Variants in SUGCT observed in about 807,000 individuals in gnomAD.
The protein encoded by SUGCT is succinyl-CoA:glutarate CoA-transferase.
Under a neutral mutation model 55.0 loss-of-function variants are expected in SUGCT, and 41 were observed. The observed-to-expected ratio is 0.74, with a 90% confidence interval of 0.58 to 0.97. The LOEUF (loss-of-function observed/expected upper bound fraction) is 0.97. SUGCT is among the 50% of genes least tolerant of loss of function. The probability of loss-of-function intolerance (pLI) is 0.00; values close to 1 mark genes in which losing one functional copy is unlikely to be tolerated. For missense variants in SUGCT, 568 were observed against 547.8 expected (o/e 1.04, Z -0.37); for synonymous variants, 187 against 200.4 (o/e 0.93, Z 0.56).
intron 13 of SUGCT, among the ~76,000 whole-genome samples, chr7:40,776,909 G>T (rs1364423260): frequency 1.3e-5 from 2 of 151,210 alleles, no homozygotes; most frequent in Non-Finnish European, 3.0e-5. Flanking sequence ...AAATCCATTT[G>T]CCATCTATAG....
intron 13 of SUGCT, among the ~76,000 whole-genome samples, chr7:40,774,945 C>T (rs1562995844): frequency 6.6e-6 from 1 of 151,764 alleles, no homozygotes; most frequent in East Asian, 1.9e-4. Context: ...CAACAGTGAC[C>T]AAAAAAACCT....
chr7:40,749,451 C>T lies in SUGCT; in HGVS notation c.1107C>T (p.Leu369=), dbSNP rs373694909. The change falls in exon 13 of 14, where the codon CTC becomes CTT. Residue 369 remains leucine (L), a synonymous_variant. Transcript: ENST00000335693. ...FAEPQVLHNG[L]VMEMEHPTVG... is the part of the protein sequence containing the mutation. ...CTTTTCAGGTATTACACAATGGCCTCGTTATGGAGATGGAGCATCCAACTG... is the reference window on the plus strand; with the variant it reads ...CTTTTCAGGTATTACACAATGGCCTTGTTATGGAGATGGAGCATCCAACTG... The T allele has an allele frequency of 3.2e-5, 52 of 1,613,590 alleles. No individual in the cohort carries two copies. The East Asian group carries it at 6.5e-4, about 20-fold the overall frequency.
At chr7:40,610,332 C>T (rs1056988469) in intron 12 of SUGCT, among the ~76,000 whole-genome samples, 37 of 152,208 alleles carry the variant, frequency 2.4e-4, no homozygotes, top group African/African-American at 8.9e-4. Flanking sequence ...TTCTTGCAAA[C>T]CTTTTCTCTT....
intron 13 of SUGCT, among the ~76,000 whole-genome samples, chr7:40,762,989 T>G (rs145896918): frequency 2.2e-4 from 34 of 151,292 alleles, no homozygotes; most frequent in African/African-American, 8.3e-4. Flanking sequence ...ATTTTTGTAT[T>G]TTTTTTTAGT....
chr7:40,179,402 T>C (rs1278501854), intron 1 of SUGCT, among the ~76,000 whole-genome samples: 2 of 152,128 alleles, frequency 1.3e-5, no homozygotes, highest in Admixed American at 1.3e-4. Flanking sequence ...CAAGCGATTC[T>C]CCTGCCTCAG....
chr7:40,333,916 C>T (rs1020939734), intron 9 of SUGCT, among the ~76,000 whole-genome samples: 24 of 151,668 alleles, frequency 1.6e-4, no homozygotes, highest in Non-Finnish European at 2.8e-4. Context: ...CCGCACCCCA[C>T]GACAGGCCTC....
intron 9 of SUGCT, among the ~76,000 whole-genome samples, chr7:40,413,586 T>G (rs1786809537): frequency 6.6e-6 from 1 of 152,216 alleles, no homozygotes; most frequent in Non-Finnish European, 1.5e-5. Flanking sequence ...GTTTAACTAT[T>G]TATTTCTCAC....
chr7:40,844,930 C>G (rs1012775771), intron 13 of SUGCT, among the ~76,000 whole-genome samples: 1 of 152,198 alleles, frequency 6.6e-6, no homozygotes, highest in Non-Finnish European at 1.5e-5. Flanking sequence ...GATGACTTCA[C>G]TTAGAAATGT....
chr7:40,761,525 C>T (rs1423895163), intron 13 of SUGCT, among the ~76,000 whole-genome samples: 1 of 152,184 alleles, frequency 6.6e-6, no homozygotes, highest in East Asian at 1.9e-4. Context: ...ACCCTTTTGT[C>T]AAACAACTTT....
intron 6 of SUGCT, among the ~76,000 whole-genome samples, chr7:40,225,434 GA>G (rs970498176): frequency 3.5e-5 from 5 of 144,512 alleles, no homozygotes; most frequent in African/African-American, 1.3e-4. Context: ...AATAATATAT[GA>G]TTTTTTTTTT....
At chr7:40,498,658 A>G (rs950045571) in intron 12 of SUGCT, among the ~76,000 whole-genome samples, 1 of 152,192 alleles carries the variant, frequency 6.6e-6, no homozygotes, top group African/African-American at 2.4e-5. Context: ...TAGTTTCCTT[A>G]AGTGTAAAAT....
chr7:40,154,006 A>G (rs116511992), intron 1 of SUGCT: 1 of 268,200 alleles, frequency 3.7e-6, no homozygotes, highest in African/African-American at 2.2e-5. Context: ...TGCTTTACCA[A>G]AGCATTATCT....
rs1314961773 is a variant in SUGCT at position 40,249,315 on chromosome 7, A to ATCTATATCTATATATC, written c.576+11590_576+11591insCTATATCTATATATCT. On this transcript the variant is annotated intron_variant, in intron 7 of 13. Coordinates refer to ENST00000335693, the MANE Select transcript of SUGCT (RefSeq NM_001193313.2). ...TTAAAACAAAAAACACCAAAAAGCTATATATATATATATATATATATATAT... is the reference window on the plus strand; with the variant it reads ...TTAAAACAAAAAACACCAAAAAGCTATCTATATCTATATATCTATATATATATATATATATATATAT... Among the ~76,000 whole-genome samples the ATCTATATCTATATATC allele has an allele frequency of 2.0e-3, 66 of 33,498 alleles. 2 individuals carry two copies. The highest frequency in any genetic ancestry group is 0.015 in the South Asian group (15 of 992). The allele number at this position is 33,498 out of a possible 152,430, so 22.0% of individuals were successfully genotyped here.
the SUGCT span, among the ~76,000 whole-genome samples, chr7:40,983,024 A>T: frequency 3.9e-5 from 6 of 152,196 alleles, no homozygotes; most frequent in Admixed American, 2.0e-4. Context: ...TAGGTACATT[A>T]TATGTCAAGA....
At chr7:40,851,607 A>G (rs1226628627) in intron 13 of SUGCT, among the ~76,000 whole-genome samples, 2 of 152,190 alleles carry the variant, frequency 1.3e-5, no homozygotes, top group African/African-American at 4.8e-5. Flanking sequence ...ACACCGCTCT[A>G]GAACCATCCC....
At chr7:40,685,405 T>C (rs962186830) in intron 12 of SUGCT, among the ~76,000 whole-genome samples, 4 of 152,188 alleles carry the variant, frequency 2.6e-5, no homozygotes, top group African/African-American at 9.7e-5. Flanking sequence ...TCTTCCTGAA[T>C]TGTCCTCTCA....
the SUGCT span, among the ~76,000 whole-genome samples, chr7:41,015,959 C>T: frequency 6.6e-6 from 1 of 152,172 alleles, no homozygotes; most frequent in South Asian, 2.1e-4. Flanking sequence ...AGGAAAGACC[C>T]TATCTGCATG....
chr7:40,806,831 C>G (rs974866309), intron 13 of SUGCT, among the ~76,000 whole-genome samples: 11 of 152,138 alleles, frequency 7.2e-5, no homozygotes, highest in South Asian at 6.2e-4. Context: ...TTCAACTAGG[C>G]TCTACCCAGC....
At chr7:40,182,535 C>T (rs1441656239) in intron 3 of SUGCT, among the ~76,000 whole-genome samples, 1 of 145,842 alleles carries the variant, frequency 6.9e-6, no homozygotes, top group Non-Finnish European at 1.5e-5. Context: ...GCACTCCAGC[C>T]TAGGCAACAG....
Sources: allele counts gnomAD v4.1 joint callset (sites outside exome capture counted in the v4.1 genomes callset), GRCh38; gene constraint gnomAD v4.1.1; transcripts MANE v1.5; gene names NCBI Gene and HGNC (gene_info 2026-07-23, HGNC 2026-07-21).